The following TOX variants were observed in gnomAD, a reference collection of about 807,000 sequenced individuals.
The protein encoded by TOX is thymocyte selection-associated high mobility group box protein TOX.
A neutral mutation model predicts 53.7 loss-of-function variants in TOX; 11 were observed. The observed-to-expected ratio is 0.20, with a 90% CI of 0.13 to 0.34. The LOEUF (loss-of-function observed/expected upper bound fraction) is 0.34, where lower values mean the gene tolerates loss of function less well. TOX is among the 10% of genes least tolerant of loss of function. The pLI is 1.00. For missense variants in TOX, 570 were observed against 664.6 expected, an observed-to-expected ratio of 0.86 and a Z score of 1.56; for synonymous variants, 225 against 245.3, an observed-to-expected ratio of 0.92 and a Z score of 0.77.
At chr8:59,002,272 C>G (rs1009205303) in intron 1 of TOX, among the ~76,000 whole-genome samples, 2 of 147,708 alleles carry the variant, frequency 1.4e-5, no homozygotes, top group Non-Finnish European at 3.0e-5. Flanking sequence ...CCACGGCTGG[C>G]AGGAAATACT....
At chr8:58,974,802 A>G (rs1813061553) in intron 1 of TOX, among the ~76,000 whole-genome samples, 1 of 152,112 alleles carries the variant, frequency 6.6e-6, no homozygotes, top group Non-Finnish European at 1.5e-5. Context: ...CATGCGAAAA[A>G]CTAATTATTT....
intron 3 of TOX, among the ~76,000 whole-genome samples, chr8:58,873,346 AT>A (rs1563376173): frequency 6.6e-6 from 1 of 152,156 alleles, no homozygotes; most frequent in Non-Finnish European, 1.5e-5. Flanking sequence ...CCTCTTTCAC[AT>A]TGCCTCATAG....
chr8:58,815,272 C>T lies in TOX; in HGVS notation c.1392+66G>A, dbSNP rs1305081199. On this transcript the variant is annotated intron_variant, in intron 7 of 8. Coordinates refer to ENST00000361421, the MANE Select transcript of TOX (RefSeq NM_014729.3). ...AATCCTGTCCTGGATAAACAGCTCC[C>T]CCCACCTCCACCACCACACTTCAGA... 7 of 1,514,452 alleles carry T rather than the reference C, an allele frequency of 4.6e-6. No individual in the cohort carries two copies. The Admixed American group carries it at 1.1e-4, about 23-fold the overall frequency. 93.8% of individuals were successfully genotyped at this position (1,514,452 alleles called of 1,614,324 possible).
intron 1 of TOX, among the ~76,000 whole-genome samples, chr8:58,998,521 A>T (rs59124499): frequency 2.7e-5 from 3 of 109,792 alleles, no homozygotes; most frequent in East Asian, 2.6e-4. Context: ...ATATATATAT[A>T]TATATATATA....
chr8:58,811,750 G>T (rs965210961), intron 7 of TOX, among the ~76,000 whole-genome samples: 3 of 152,052 alleles, frequency 2.0e-5, no homozygotes, highest in African/African-American at 7.2e-5. Context: ...AGATATTAAT[G>T]ATTTTTTTCT....
intron 1 of TOX, among the ~76,000 whole-genome samples, chr8:59,060,567 C>T (rs768709403): frequency 1.3e-5 from 2 of 152,290 alleles, no homozygotes; most frequent in East Asian, 1.9e-4. Flanking sequence ...GCGGAGCTTG[C>T]GGTGAGCCAA....
chr8:58,932,581 A>T (rs1268518751), intron 3 of TOX, among the ~76,000 whole-genome samples: 4 of 152,196 alleles, frequency 2.6e-5, no homozygotes. Flanking sequence ...ATACCTCAAG[A>T]TTTGGAAAAT....
chr8:58,953,584 C>T (rs769497621), intron 2 of TOX, among the ~76,000 whole-genome samples: 6 of 152,150 alleles, frequency 3.9e-5, no homozygotes, highest in Non-Finnish European at 8.8e-5. Context: ...ATGAATACCT[C>T]CGGGACTGCA....
chr8:58,904,247 T>A (rs7002967), intron 3 of TOX, among the ~76,000 whole-genome samples: 82,599 of 151,792 alleles, frequency 0.54, 22,880 homozygotes, highest in African/African-American at 0.63. Flanking sequence ...TTTTGTATAT[T>A]TGTTTAATAA....
chr8:59,089,781 T>C (rs1804578761), intron 1 of TOX, among the ~76,000 whole-genome samples: 1 of 152,316 alleles, frequency 6.6e-6, no homozygotes, highest in Non-Finnish European at 1.5e-5. Flanking sequence ...AGATGATCCT[T>C]ATTATGTTGT....
chr8:59,046,858 C>CAAAAA (rs34869193), intron 1 of TOX, among the ~76,000 whole-genome samples: 366 of 77,544 alleles, frequency 4.7e-3, no homozygotes, highest in Non-Finnish European at 5.9e-3. Flanking sequence ...GACTATGTCT[C>CAAAAA]AAAAAAAAAA....
At chr8:59,041,265 C>T (rs1046686200) in intron 1 of TOX, among the ~76,000 whole-genome samples, 1 of 152,126 alleles carries the variant, frequency 6.6e-6, no homozygotes, top group Non-Finnish European at 1.5e-5. Flanking sequence ...GCACACCCCA[C>T]TGTTACCATC....
chr8:58,854,125 C>A (rs989722763), intron 3 of TOX, among the ~76,000 whole-genome samples: 4 of 152,182 alleles, frequency 2.6e-5, no homozygotes, highest in Admixed American at 2.6e-4. Context: ...TGTTTTATAG[C>A]CTTGTAAATG....
chr8:58,833,992 T>C (rs953535400), intron 5 of TOX, among the ~76,000 whole-genome samples: 2 of 152,310 alleles, frequency 1.3e-5, no homozygotes, highest in Admixed American at 1.3e-4. Flanking sequence ...TCACTCACCA[T>C]GGATTCTGAA....
chr8:58,892,336 C>A (rs1293394217), intron 3 of TOX, among the ~76,000 whole-genome samples: 1 of 152,114 alleles, frequency 6.6e-6, no homozygotes, highest in African/African-American at 2.4e-5. Flanking sequence ...CCAAATCATT[C>A]ATGTAGGGAC....
intron 4 of TOX, among the ~76,000 whole-genome samples, chr8:58,849,782 C>G (rs1207846878): frequency 6.6e-6 from 1 of 152,138 alleles, no homozygotes. Context: ...ATGAGCAGAA[C>G]ATTAATTTTT....
At chr8:59,062,461 CTAGA>C (rs1205199410) in intron 1 of TOX, among the ~76,000 whole-genome samples, 2 of 152,160 alleles carry the variant, frequency 1.3e-5, no homozygotes, top group African/African-American at 4.8e-5. Context: ...GAAAATTTAA[CTAGA>C]TAATTAAATG....
In TOX at chr8:58,839,918, T is replaced by C. The variant is rs1014765317; in HGVS notation, c.694-1607A>G. On this transcript the variant is annotated intron_variant, in intron 4 of 8. Coordinates refer to ENST00000361421, the MANE Select transcript of TOX (RefSeq NM_014729.3). ...CTTTTTATTATTTTTAGCTGTTACC[T>C]TGGTTAAATTAATTTCTCCGGGCCT... Among the ~76,000 whole-genome samples the C allele has an allele frequency of 7.8e-4, 119 of 152,340 alleles. 1 individual carries two copies. Among genetic ancestry groups the C allele is most frequent in the African/African-American group, 2.7e-3 (114 of 41,574 alleles).
At chr8:58,988,205 G>A (rs1465207883) in intron 1 of TOX, among the ~76,000 whole-genome samples, 4 of 152,134 alleles carry the variant, frequency 2.6e-5, no homozygotes, top group Non-Finnish European at 5.9e-5. Context: ...TCAAAAGAAT[G>A]AACAAGGCTG....
Sources: gnomAD v4.1 joint callset for allele counts (sites outside exome capture counted in the v4.1 genomes callset) on GRCh38, gnomAD v4.1.1 for gene constraint, MANE v1.5 for transcripts, NCBI Gene and HGNC (gene_info 2026-07-23, HGNC 2026-07-21) for gene names.